The following SIMC1 variants were observed in gnomAD, a reference collection of about 807,000 sequenced individuals.
The protein encoded by SIMC1 is SUMO-interacting motif-containing protein 1.
SIMC1 carries 55 observed loss-of-function variants against 82.3 expected under a neutral mutation model. The observed-to-expected ratio is 0.67, with a 90% CI of 0.54 to 0.84. The LOEUF (loss-of-function observed/expected upper bound fraction) is 0.84. Ranked by LOEUF, SIMC1 falls within the 40% of genes least tolerant of loss-of-function variation. The pLI is 0.00. For synonymous variants in SIMC1, 353 were observed against 426.3 expected (o/e 0.83, Z 2.12); for missense variants, 915 against 1,107.2 (o/e 0.83, Z 2.46).
intron 1 of SIMC1, among the ~76,000 whole-genome samples, chr5:176,252,889 G>C (rs1761728168): frequency 6.6e-6 from 1 of 152,236 alleles, no homozygotes; most frequent in Admixed American, 6.5e-5. Flanking sequence ...TGCAATCCCA[G>C]CACCTCGGGA....
chr5:176,329,091 A>G (rs1007010574), intron 7 of SIMC1, among the ~76,000 whole-genome samples: 1 of 152,172 alleles, frequency 6.6e-6, no homozygotes, highest in Non-Finnish European at 1.5e-5. Flanking sequence ...ATTCAGTTCT[A>G]CCCATTCTCA....
At chr5:176,314,120 A>T (rs957221686) in intron 5 of SIMC1, among the ~76,000 whole-genome samples, 1 of 152,170 alleles carries the variant, frequency 6.6e-6, no homozygotes, top group Non-Finnish European at 1.5e-5. Flanking sequence ...TATACAAATT[A>T]GCAGGGCGTG....
At chr5:176,242,586 T>A (rs887436609) in intron 1 of SIMC1, among the ~76,000 whole-genome samples, 9 of 152,076 alleles carry the variant, frequency 5.9e-5, no homozygotes, top group African/African-American at 2.2e-4. Context: ...ATATATTTAT[T>A]GAAAAAAACT....
intron 9 of SIMC1, among the ~76,000 whole-genome samples, chr5:176,344,916 T>C (rs1045451679): frequency 9.8e-5 from 15 of 152,340 alleles, no homozygotes; most frequent in African/African-American, 3.6e-4. Context: ...ATTTTCATTT[T>C]TTGACCATGT....
At chr5:176,308,045 G>C (rs1764501842) in intron 4 of SIMC1, 1 of 700,198 alleles carries the variant, frequency 1.4e-6, no homozygotes, top group Non-Finnish European at 2.7e-6. Context: ...GTAATTAAAA[G>C]CAATGAGCTG....
At chr5:176,306,928 A>AT (rs199975462) in intron 4 of SIMC1, among the ~76,000 whole-genome samples, 8,631 of 109,770 alleles carry the variant, frequency 0.079, 599 homozygotes, top group African/African-American at 0.2. Context: ...AATTAAAAAA[A>AT]AAAAATAATA....
chr5:176,319,108 CAG>C (rs1014097830), intron 5 of SIMC1, among the ~76,000 whole-genome samples: 30 of 152,134 alleles, frequency 2.0e-4, no homozygotes, highest in South Asian at 1.2e-3. Flanking sequence ...GACCCTGTCT[CAG>C]GGGGAAAAAA....
intron 1 of SIMC1, among the ~76,000 whole-genome samples, chr5:176,255,980 A>G (rs1200349886): frequency 6.6e-6 from 1 of 152,174 alleles, no homozygotes; most frequent in African/African-American, 2.4e-5. Context: ...GAAATGTCTG[A>G]CCTGCAAATC....
chr5:176,284,308 A>G (rs1382931444), intron 1 of SIMC1, among the ~76,000 whole-genome samples: 2 of 152,260 alleles, frequency 1.3e-5, no homozygotes, highest in Non-Finnish European at 2.9e-5. Context: ...AAAAACAGAA[A>G]TTATAACAAA....
At chr5:176,271,623 T>C (rs916287076) in intron 1 of SIMC1, among the ~76,000 whole-genome samples, 7 of 151,396 alleles carry the variant, frequency 4.6e-5, no homozygotes, top group African/African-American at 9.7e-5. Flanking sequence ...GGTACAAAAA[T>C]ATTTTTAGAT....
chr5:176,298,626 AAAAAC>A (rs1324068636), intron 4 of SIMC1, among the ~76,000 whole-genome samples: 1 of 152,222 alleles, frequency 6.6e-6, no homozygotes, highest in Non-Finnish European at 1.5e-5. Flanking sequence ...CTCTGTCTCA[AAAAAC>A]AAAACAAGTT....
chr5:176,273,572 T>C (rs1762543251), intron 1 of SIMC1, among the ~76,000 whole-genome samples: 2 of 152,188 alleles, frequency 1.3e-5, no homozygotes, highest in African/African-American at 4.8e-5. Context: ...GTTACATATG[T>C]ATACATGTGA....
intron 7 of SIMC1, among the ~76,000 whole-genome samples, chr5:176,327,901 G>A (rs977901357): frequency 2.6e-5 from 4 of 152,036 alleles, no homozygotes; most frequent in East Asian, 1.9e-4. Context: ...ATTTACTCAC[G>A]TTAAACCAAC....
At chr5:176,275,985 A>G (rs1211947942) in intron 1 of SIMC1, among the ~76,000 whole-genome samples, 1 of 151,708 alleles carries the variant, frequency 6.6e-6, no homozygotes, top group Non-Finnish European at 1.5e-5. Flanking sequence ...TGCTGGCCTC[A>G]TAAAATGAGT....
At chr5:176,262,279 TAAAAAAAAAAA>T (rs58312244) in intron 1 of SIMC1, among the ~76,000 whole-genome samples, 1 of 133,912 alleles carries the variant, frequency 7.5e-6, no homozygotes, top group African/African-American at 2.8e-5. Context: ...ATTCATGATT[TAAAAAAAAAAA>T]AAAAAAAAAG....
At chr5:176,305,466 G>A (rs796594932) in intron 4 of SIMC1, among the ~76,000 whole-genome samples, 3 of 65,780 alleles carry the variant, frequency 4.6e-5, no homozygotes, top group Admixed American at 1.2e-4. Context: ...GCCTCTGCCC[G>A]GCCGCCCCTA....
chr5:176,261,963 A>G (rs1463230811), intron 1 of SIMC1, among the ~76,000 whole-genome samples: 1 of 152,000 alleles, frequency 6.6e-6, no homozygotes, highest in Non-Finnish European at 1.5e-5. Context: ...ACTACTTGCT[A>G]ACTAGCTCTA....
At chr5:176,271,300 C>T (rs1181382665) in intron 1 of SIMC1, among the ~76,000 whole-genome samples, 1 of 152,126 alleles carries the variant, frequency 6.6e-6, no homozygotes, top group African/African-American at 2.4e-5. Context: ...GCGGAAGTTG[C>T]AGTGAGCCAA....
At chr5:176,332,966 A>T (rs1293006483) in intron 7 of SIMC1, among the ~76,000 whole-genome samples, 1 of 151,656 alleles carries the variant, frequency 6.6e-6, no homozygotes, top group African/African-American at 2.4e-5. Flanking sequence ...CCTTTCAACC[A>T]TTAATCTGTT....
Sources: allele counts gnomAD v4.1 joint callset (sites outside exome capture counted in the v4.1 genomes callset), GRCh38; gene constraint gnomAD v4.1.1; transcripts MANE v1.5; gene names NCBI Gene and HGNC (gene_info 2026-07-23, HGNC 2026-07-21).